AKAP6: variants seen among roughly 807,000 people sequenced by gnomAD.
AKAP6 encodes the protein A-kinase anchor protein 6.
A neutral mutation model predicts 188.5 loss-of-function variants in AKAP6; 58 were observed. The ratio of observed to expected loss-of-function variants is 0.31; its 90% CI spans 0.25 to 0.38. AKAP6 has a LOEUF of 0.38. Among genes scored for constraint, AKAP6 ranks in the 10% least tolerant of loss-of-function variants. AKAP6 has a pLI of 1.00. For synonymous variants in AKAP6, 989 were observed against 998.6 expected (o/e 0.99, Z 0.18); for missense variants, 2,710 against 2,740.0 (o/e 0.99, Z 0.24).
At chr14:32,600,923 A>G (rs757985162) in intron 7 of AKAP6, 131 bp downstream of exon 7, 16 of 698,372 alleles carry the variant, frequency 2.3e-5, no homozygotes, top group African/African-American at 1.7e-4. Flanking sequence ...CTCTCTATAT[A>G]TATATAAACA....
chr14:32,463,225 G>A (rs995154121), intron 2 of AKAP6, among the ~76,000 whole-genome samples: 1 of 152,084 alleles, frequency 6.6e-6, no homozygotes, highest in African/African-American at 2.4e-5. Flanking sequence ...TTCAGGGCTT[G>A]AACTCAGCTC....
At chr14:32,478,270 T>C (rs1396209708) in intron 2 of AKAP6, among the ~76,000 whole-genome samples, 2 of 152,208 alleles carry the variant, frequency 1.3e-5, no homozygotes, top group African/African-American at 4.8e-5. Flanking sequence ...GCCAAGTCCC[T>C]GTGTGATTGC....
chr14:32,666,734 A>G lies in AKAP6; in HGVS notation c.2731-11577A>G, dbSNP rs561681247. 5.3e-5 allele frequency among the ~76,000 whole-genome samples: 8 copies of G among 152,212 alleles called. No homozygotes were observed. The South Asian group carries it at 8.3e-4, about 16-fold the overall frequency. On this transcript the variant is annotated intron_variant, in intron 7 of 13. Coordinates refer to ENST00000280979, the MANE Select transcript of AKAP6 (RefSeq NM_004274.5). ...ATATATAAGATTTTTTAATGAGGATATCTTACATTTTTGGTGCTTGCAATT... is the reference window on the plus strand; with the variant it reads ...ATATATAAGATTTTTTAATGAGGATGTCTTACATTTTTGGTGCTTGCAATT...
intron 2 of AKAP6, among the ~76,000 whole-genome samples, chr14:32,533,145 T>C (rs1882497127): frequency 6.6e-6 from 1 of 152,180 alleles, no homozygotes; most frequent in Admixed American, 6.5e-5. Flanking sequence ...GGTTCATCAT[T>C]GTCAATACTG....
chr14:32,491,897 A>G (rs1396427210), intron 2 of AKAP6, among the ~76,000 whole-genome samples: 1 of 152,146 alleles, frequency 6.6e-6, no homozygotes, highest in Non-Finnish European at 1.5e-5. Context: ...CGATTTAACT[A>G]AATCATTTTA....
intron 2 of AKAP6, among the ~76,000 whole-genome samples, chr14:32,509,116 G>A (rs1881029956): frequency 1.1e-5 from 1 of 92,890 alleles, no homozygotes; most frequent in South Asian, 2.9e-4. Context: ...ACCATGCCCT[G>A]CCTCTTTTTT....
chr14:32,651,447 C>T (rs1332688843), intron 7 of AKAP6, among the ~76,000 whole-genome samples: 1 of 152,076 alleles, frequency 6.6e-6, no homozygotes, highest in African/African-American at 2.4e-5. Flanking sequence ...TAATAATATA[C>T]CTGAGACTGA....
intron 5 of AKAP6, among the ~76,000 whole-genome samples, chr14:32,585,573 A>G (rs1257518102): frequency 3.9e-5 from 6 of 152,102 alleles, no homozygotes; most frequent in Non-Finnish European, 7.3e-5. Flanking sequence ...TACATGATGA[A>G]TGAGCTTGGT....
chr14:32,452,686 C>T (rs1335999059), intron 2 of AKAP6, among the ~76,000 whole-genome samples: 1 of 152,050 alleles, frequency 6.6e-6, no homozygotes, highest in Non-Finnish European at 1.5e-5. Flanking sequence ...TGGTCAAAGG[C>T]TATGCATGTT....
chr14:32,779,602 GC>G (rs2033179252), intron 12 of AKAP6, among the ~76,000 whole-genome samples: 1 of 151,994 alleles, frequency 6.6e-6, no homozygotes, highest in African/African-American at 2.4e-5. Context: ...TGATAAAGAT[GC>G]CAATTAATCA....
intron 7 of AKAP6, among the ~76,000 whole-genome samples, chr14:32,609,879 TGACACACACACACA>T (rs1886280732): frequency 1.2e-5 from 1 of 84,694 alleles, no homozygotes; most frequent in Non-Finnish European, 2.2e-5. Context: ...TCTCTCTCTC[TGACACACACACACA>T]CACACACACA....
intron 11 of AKAP6, among the ~76,000 whole-genome samples, chr14:32,757,518 G>A (rs1053651165): frequency 1.3e-5 from 2 of 152,232 alleles, no homozygotes; most frequent in Non-Finnish European, 2.9e-5. Flanking sequence ...GAAAGGCATT[G>A]TAAGTAATAG....
At chr14:32,809,696 G>A (rs1291010008) in intron 12 of AKAP6, among the ~76,000 whole-genome samples, 1 of 152,120 alleles carries the variant, frequency 6.6e-6, no homozygotes, top group African/African-American at 2.4e-5. Flanking sequence ...AATTTGGTGG[G>A]GTTGGGAGCA....
intron 2 of AKAP6, among the ~76,000 whole-genome samples, chr14:32,440,735 C>T (rs1178437248): frequency 6.6e-6 from 1 of 152,052 alleles, no homozygotes; most frequent in East Asian, 1.9e-4. Context: ...ATCAGCAACC[C>T]CAAAAGCATA....
chr14:32,468,616 C>T (rs1878591340), intron 2 of AKAP6, among the ~76,000 whole-genome samples: 1 of 152,116 alleles, frequency 6.6e-6, no homozygotes, highest in Non-Finnish European at 1.5e-5. Flanking sequence ...ATCTGTGCTA[C>T]CATGACTTAA....
intron 13 of AKAP6, among the ~76,000 whole-genome samples, chr14:32,826,168 A>AG (rs529309375): frequency 4.0e-5 from 6 of 149,720 alleles, no homozygotes; most frequent in East Asian, 2.0e-4. Flanking sequence ...ATGGGGACTA[A>AG]GGGGGGGCAT....
rs2034818254 is a variant in AKAP6 at position 32,831,469 on chromosome 14, A to G, written c.*1664A>G. 6.6e-6 allele frequency: 1 copy of G among 152,216 alleles called. No individual in the cohort carries two copies. The allele number at this position is 152,216 out of a possible 1,614,324, so 9.4% of individuals were successfully genotyped here. A position where few individuals can be genotyped will look rare whatever the true frequency, so the allele number is the denominator to read the frequency against. Reference sequence around the variant, plus strand: ...AATAGATAATATATATCAAATTTCTAAAAGGTAAAGAATGTTGTGGGTTCA... The same window carrying G: ...AATAGATAATATATATCAAATTTCTGAAAGGTAAAGAATGTTGTGGGTTCA... On this transcript the variant is annotated 3_prime_UTR_variant, in exon 14 of 14. Coordinates refer to ENST00000280979, the MANE Select transcript of AKAP6 (RefSeq NM_004274.5).
At position 32,784,284 on chromosome 14, in the gene AKAP6, T is replaced by A. The variant is rs9805888; in HGVS notation, c.3588+10391T>A. Reference sequence around the variant, plus strand: ...GAATTCTTATTAAATTCACACATGCTTCACAGAAACTCATGACATTTATGG... The same window carrying A: ...GAATTCTTATTAAATTCACACATGCATCACAGAAACTCATGACATTTATGG... On this transcript the variant is annotated intron_variant, in intron 12 of 13. Transcript: ENST00000280979. Among the ~76,000 whole-genome samples the A allele has an allele frequency of 5.3e-5, 8 of 152,102 alleles. No homozygotes were observed. In the South Asian group the frequency reaches 6.2e-4, roughly 12 times the overall value.
chr14:32,656,301 T>C (rs1888451993), intron 7 of AKAP6, among the ~76,000 whole-genome samples: 1 of 152,174 alleles, frequency 6.6e-6, no homozygotes, highest in Non-Finnish European at 1.5e-5. Flanking sequence ...GAAAGCTGTG[T>C]CCCAACAAAA....
Sources: allele counts gnomAD v4.1 joint callset (sites outside exome capture counted in the v4.1 genomes callset), GRCh38; gene constraint gnomAD v4.1.1; transcripts MANE v1.5; gene names NCBI Gene and HGNC (gene_info 2026-07-23, HGNC 2026-07-21).